The following WWOX variants were observed in gnomAD, a reference collection of about 807,000 sequenced individuals.
The protein encoded by WWOX is WW domain-containing oxidoreductase.
Under a neutral mutation model 46.2 loss-of-function variants are expected in WWOX, and 69 were observed. The ratio of observed to expected loss-of-function variants is 1.49; its 90% CI spans 1.23 to 1.82. The LOEUF is 1.82. Ranked by LOEUF, WWOX falls within the 40% of genes most tolerant of loss-of-function variation. The pLI is 0.00. For synonymous variants in WWOX, 359 were observed against 202.6 expected, an observed-to-expected ratio of 1.77 and a Z score of -6.56; for missense variants, 919 against 542.6, an observed-to-expected ratio of 1.69 and a Z score of -6.89.
At chr16:78,643,635 A>G (rs1365114749) in intron 8 of WWOX, among the ~76,000 whole-genome samples, 2 of 152,158 alleles carry the variant, frequency 1.3e-5, no homozygotes, top group Non-Finnish European at 2.9e-5. Flanking sequence ...TGTTTCATGT[A>G]TGATTTTTAT....
intron 8 of WWOX, among the ~76,000 whole-genome samples, chr16:78,905,658 G>C (rs1393626361): frequency 6.6e-6 from 1 of 152,154 alleles, no homozygotes; most frequent in African/African-American, 2.4e-5. Flanking sequence ...GCTGGGATTA[G>C]ATGCATGAGC....
At chr16:78,221,294 T>C (rs770426552) in intron 5 of WWOX, among the ~76,000 whole-genome samples, 1 of 152,206 alleles carries the variant, frequency 6.6e-6, no homozygotes, top group Non-Finnish European at 1.5e-5. Context: ...GTTCGTTGTA[T>C]GGAGTGGCTT....
intron 8 of WWOX, among the ~76,000 whole-genome samples, chr16:78,506,006 C>T (rs148028057): frequency 1.3e-5 from 2 of 152,214 alleles, no homozygotes; most frequent in Non-Finnish European, 2.9e-5. Context: ...ACACACCATT[C>T]CCCGTCAGCC....
At chr16:79,179,909 G>A (rs1008166402) in intron 8 of WWOX, among the ~76,000 whole-genome samples, 1 of 152,200 alleles carries the variant, frequency 6.6e-6, no homozygotes, top group Admixed American at 6.5e-5. Flanking sequence ...TTACAGCATA[G>A]ATGTGAAGTG....
chr16:78,174,305 T>A lies in WWOX; in HGVS notation c.516+10016T>A, dbSNP rs938706519. On this transcript the variant is annotated intron_variant, in intron 5 of 8. Coordinates refer to ENST00000566780, the MANE Select transcript of WWOX (RefSeq NM_016373.4). ...GGAAGAAGCAAAAGCAGAAACTGCC[T>A]GATAAACCCATCAGATCTCTTGAGA... 5.9e-5 allele frequency among the ~76,000 whole-genome samples: 9 copies of A among 152,164 alleles called. 1 individual carries two copies. The highest frequency in any genetic ancestry group is 2.2e-4 in the African/African-American group (9 of 41,440).
intron 8 of WWOX, among the ~76,000 whole-genome samples, chr16:78,888,687 G>A (rs542378554): frequency 9.2e-5 from 14 of 152,274 alleles, no homozygotes; most frequent in African/African-American, 3.1e-4. Flanking sequence ...CTTGTGGCTG[G>A]ATGTAGAATC....
chr16:78,816,233 G>A (rs188001258), intron 8 of WWOX, among the ~76,000 whole-genome samples: 1 of 152,286 alleles, frequency 6.6e-6, no homozygotes, highest in Admixed American at 6.5e-5. Flanking sequence ...GATAGGACCA[G>A]GAAGCCAGAG....
intron 8 of WWOX, among the ~76,000 whole-genome samples, chr16:79,031,731 G>A (rs1293554513): frequency 1.4e-5 from 2 of 144,276 alleles, no homozygotes; most frequent in African/African-American, 5.1e-5. Context: ...TGCTTAATAG[G>A]CTCTCTCTCT....
intron 8 of WWOX, among the ~76,000 whole-genome samples, chr16:78,773,900 C>T (rs773889234): frequency 1.1e-4 from 17 of 152,166 alleles, no homozygotes; most frequent in Admixed American, 5.2e-4. Context: ...ATGGGAGATC[C>T]AGAATTGGAA....
At chr16:78,709,113 C>G (rs1004078066) in intron 8 of WWOX, among the ~76,000 whole-genome samples, 4 of 152,076 alleles carry the variant, frequency 2.6e-5, no homozygotes, top group Admixed American at 1.3e-4. Flanking sequence ...TTTTGAAGTT[C>G]CCTACTCTCC....
intron 8 of WWOX, among the ~76,000 whole-genome samples, chr16:79,055,641 G>C (rs2048248309): frequency 6.6e-6 from 1 of 152,196 alleles, no homozygotes; most frequent in Non-Finnish European, 1.5e-5. Context: ...ATTTTTTAAA[G>C]GTGTATGTTT....
intron 8 of WWOX, among the ~76,000 whole-genome samples, chr16:79,141,328 C>T (rs146814415): frequency 9.8e-4 from 149 of 152,290 alleles, no homozygotes; most frequent in African/African-American, 3.2e-3. Flanking sequence ...CTCATGTCTC[C>T]CTAGAATGTG....
At chr16:78,401,647 C>G (rs2082416143) in intron 6 of WWOX, among the ~76,000 whole-genome samples, 1 of 152,088 alleles carries the variant, frequency 6.6e-6, no homozygotes, top group South Asian at 2.1e-4. Flanking sequence ...AAAGATTTCT[C>G]AGAGCCCAGG....
Position 78,476,308 on chromosome 16 carries a change from T to G in WWOX, c.1056+43556T>G, listed in dbSNP as rs1010663257. ...TGTCTGATCATATCCTTCGCCCACT[T>G]GGGTGGATGAAGCTGGAAACCATCA... On this transcript the variant is annotated intron_variant, in intron 8 of 8. Coordinates refer to ENST00000566780, the MANE Select transcript of WWOX (RefSeq NM_016373.4). Among the ~76,000 whole-genome samples the G allele has an allele frequency of 3.3e-5, 5 of 152,274 alleles. No homozygotes were observed. In the East Asian group the frequency reaches 9.7e-4, roughly 29 times the overall value.
chr16:79,032,264 C>T (rs1275285957), intron 8 of WWOX, among the ~76,000 whole-genome samples: 3 of 144,800 alleles, frequency 2.1e-5, no homozygotes, highest in East Asian at 3.9e-4. Flanking sequence ...ATTACATATA[C>T]ATAATATATA....
rs1041768732 is a variant in WWOX at position 79,053,774 on chromosome 16, G to A, written c.1057-157834G>A. On this transcript the variant is annotated intron_variant, in intron 8 of 8. Coordinates refer to ENST00000566780, the MANE Select transcript of WWOX (RefSeq NM_016373.4). ...ACCTTAAGTTTATAGTTATGCAAATGAAAACCATTAATCCTGGAGCCTCTG... is the reference window on the plus strand; with the variant it reads ...ACCTTAAGTTTATAGTTATGCAAATAAAAACCATTAATCCTGGAGCCTCTG... 3.9e-5 allele frequency among the ~76,000 whole-genome samples: 6 copies of A among 152,122 alleles called. No homozygotes were observed. In the South Asian group the frequency reaches 8.3e-4, roughly 21 times the overall value.
At chr16:79,123,876 A>T (rs934751788) in intron 8 of WWOX, among the ~76,000 whole-genome samples, 2 of 152,206 alleles carry the variant, frequency 1.3e-5, no homozygotes, top group Non-Finnish European at 2.9e-5. Flanking sequence ...AATAGTTAAG[A>T]AACAGGCAGC....
At chr16:79,122,373 C>T (rs945891692) in intron 8 of WWOX, among the ~76,000 whole-genome samples, 7 of 152,090 alleles carry the variant, frequency 4.6e-5, no homozygotes, top group Non-Finnish European at 7.4e-5. Flanking sequence ...TTCTAAAAGC[C>T]GCACAAAATC....
intron 4 of WWOX, chr16:78,119,191 T>C (rs530311422): frequency 2.0e-5 from 3 of 152,384 alleles, no homozygotes; most frequent in African/African-American, 4.8e-5. Flanking sequence ...GTTTTACGAC[T>C]CTTTGGAGTT....
Sources: gnomAD v4.1 joint callset for allele counts (sites outside exome capture counted in the v4.1 genomes callset) on GRCh38, gnomAD v4.1.1 for gene constraint, MANE v1.5 for transcripts, NCBI Gene and HGNC (gene_info 2026-07-23, HGNC 2026-07-21) for gene names.